Variants in LTBP1 observed in about 807,000 individuals in gnomAD.
The protein encoded by LTBP1 is latent-transforming growth factor beta-binding protein 1.
A neutral mutation model predicts 207.6 loss-of-function variants in LTBP1; 129 were observed. That is an observed-to-expected ratio of 0.62 (90% CI 0.54 to 0.72). LTBP1 has a LOEUF of 0.72. Ranked by LOEUF, LTBP1 falls within the 30% of genes least tolerant of loss-of-function variation. The pLI is 0.00. For missense variants in LTBP1, 2,281 were observed against 2,217.2 expected (o/e 1.03, Z -0.58); for synonymous variants, 963 against 833.7 (o/e 1.16, Z -2.67).
chr2:33,344,155 C>G (rs1366672175), intron 25 of LTBP1, among the ~76,000 whole-genome samples: 1 of 152,110 alleles, frequency 6.6e-6, no homozygotes, highest in Non-Finnish European at 1.5e-5. Flanking sequence ...AATTCTCAAC[C>G]AAAAATTATT....
At chr2:33,097,899 G>T (rs2079481023) in intron 3 of LTBP1, among the ~76,000 whole-genome samples, 1 of 151,968 alleles carries the variant, frequency 6.6e-6, no homozygotes, top group Admixed American at 6.6e-5. Flanking sequence ...TTTTCTTTTT[G>T]CTGTTATAAA....
intron 5 of LTBP1, among the ~76,000 whole-genome samples, chr2:33,138,434 C>T (rs1372002819): frequency 6.6e-6 from 1 of 151,170 alleles, no homozygotes; most frequent in African/African-American, 2.4e-5. Flanking sequence ...AAGCAGGTTT[C>T]TAATGATAAT....
intron 2 of LTBP1, among the ~76,000 whole-genome samples, chr2:32,983,350 T>C (rs1008986243): frequency 3.9e-5 from 6 of 152,232 alleles, no homozygotes; most frequent in African/African-American, 1.4e-4. Flanking sequence ...CTAATTTGCT[T>C]GTGATTTTAC....
intron 31 of LTBP1, among the ~76,000 whole-genome samples, chr2:33,374,497 A>C (rs2095111849): frequency 2.0e-5 from 3 of 152,244 alleles, no homozygotes; most frequent in Admixed American, 2.0e-4. Flanking sequence ...ATCAAACTAG[A>C]AAGATACAAA....
At chr2:33,168,788 A>G (rs1187964560) in intron 5 of LTBP1, among the ~76,000 whole-genome samples, 2 of 152,158 alleles carry the variant, frequency 1.3e-5, no homozygotes, top group African/African-American at 4.8e-5. Flanking sequence ...CATCTCTCCC[A>G]CAGCTACACA....
chr2:33,230,981 C>G (rs910004722), intron 9 of LTBP1, among the ~76,000 whole-genome samples: 3 of 152,132 alleles, frequency 2.0e-5, no homozygotes, highest in Non-Finnish European at 4.4e-5. Context: ...TATGTATATT[C>G]GTTTTTCATA....
At chr2:32,973,129 G>A (rs1681162143) in intron 2 of LTBP1, among the ~76,000 whole-genome samples, 1 of 151,818 alleles carries the variant, frequency 6.6e-6, no homozygotes, top group Non-Finnish European at 1.5e-5. Flanking sequence ...TTTTGTTGTT[G>A]AGACTTCTGT....
chr2:33,261,116 C>A (rs2092997383), intron 13 of LTBP1, among the ~76,000 whole-genome samples: 1 of 152,174 alleles, frequency 6.6e-6, no homozygotes, highest in Non-Finnish European at 1.5e-5. Flanking sequence ...TTAGGGACTG[C>A]TTTGGAAGGC....
At chr2:33,210,319 C>G (rs1393121510) in intron 7 of LTBP1, among the ~76,000 whole-genome samples, 1 of 152,200 alleles carries the variant, frequency 6.6e-6, no homozygotes, top group Non-Finnish European at 1.5e-5. Context: ...TTTTTGTCCT[C>G]TTGTTATTCC....
intron 2 of LTBP1, among the ~76,000 whole-genome samples, chr2:33,014,540 G>A (rs1688096477): frequency 6.6e-6 from 1 of 152,162 alleles, no homozygotes; most frequent in Admixed American, 6.5e-5. Flanking sequence ...TTCTCCCCAG[G>A]ACACATGCGG....
rs142520374 is a variant in LTBP1 at position 33,274,970 on chromosome 2, G to C, written c.2749G>C (p.Asp917His). The change falls in exon 17 of 34, where the codon GAT becomes CAT. Residue 917 changes from aspartate (D) to histidine (H), a missense_variant. This residue lies in a region of LTBP1 where 1,671 missense variants were observed against 1,634.8 expected (regional missense o/e 1.02). Coordinates refer to ENST00000404816, the MANE Select transcript of LTBP1 (RefSeq NM_206943.4). ...SEQQRKCVDI[D>H]ECTQVQHLCS... ...ATATGTATTTTTGTTAACAGATATT[G>C]ATGAGTGTACTCAGGTCCAACACCT... The C allele has an allele frequency of 6.2e-7, 1 of 1,613,734 alleles. No homozygotes were observed. Among genetic ancestry groups the C allele is most frequent in the African/African-American group, 1.3e-5 (1 of 74,906 alleles).
At chr2:33,358,031 T>C (rs527648082) in intron 26 of LTBP1, among the ~76,000 whole-genome samples, 29 of 152,326 alleles carry the variant, frequency 1.9e-4, no homozygotes, top group African/African-American at 6.5e-4. Context: ...TCTAGGAAGT[T>C]AATTACTTAA....
At chr2:33,234,437 CAGAG>C (rs2091941908) in intron 9 of LTBP1, among the ~76,000 whole-genome samples, 1 of 152,098 alleles carries the variant, frequency 6.6e-6, no homozygotes, top group Non-Finnish European at 1.5e-5. Flanking sequence ...AATAGACAGA[CAGAG>C]AGCCAAATCA....
intron 24 of LTBP1, among the ~76,000 whole-genome samples, chr2:33,332,714 G>T (rs2094510864): frequency 6.6e-6 from 1 of 151,980 alleles, no homozygotes; most frequent in Admixed American, 6.6e-5. Flanking sequence ...CCACCACCAT[G>T]CCCAGCTAAC....
chr2:33,048,443 G>A (rs1385058534), intron 3 of LTBP1, among the ~76,000 whole-genome samples: 1 of 152,200 alleles, frequency 6.6e-6, no homozygotes, highest in Non-Finnish European at 1.5e-5. Flanking sequence ...AAAGTTAAAT[G>A]TTGACCAGGC....
chr2:33,033,280 C>A (rs1264125711), intron 3 of LTBP1, among the ~76,000 whole-genome samples: 3 of 151,734 alleles, frequency 2.0e-5, no homozygotes, highest in Non-Finnish European at 4.4e-5. Context: ...TAATACTGTC[C>A]CCTCTGTTGA....
chr2:33,194,265 G>A (rs1045657020), intron 7 of LTBP1, among the ~76,000 whole-genome samples: 2 of 152,022 alleles, frequency 1.3e-5, no homozygotes, highest in Non-Finnish European at 2.9e-5. Context: ...GGTTACAGAC[G>A]TGAGCCACCG....
intron 9 of LTBP1, among the ~76,000 whole-genome samples, chr2:33,239,951 C>T (rs2092241852): frequency 6.7e-6 from 1 of 149,802 alleles, no homozygotes; most frequent in Non-Finnish European, 1.5e-5. Flanking sequence ...TATGAGACTC[C>T]TGAAACACTA....
At position 33,196,019 on chromosome 2, in the gene LTBP1, A is replaced by G. The variant is rs145336855; in HGVS notation, c.1701+7168A>G. The stretch of plus-strand genomic sequence containing the variant: ...CAATAAAGTGTTTTAAAATTAAGGT[A>G]TGTACTTTAAAGCATAGCGCTACTG... On this transcript the variant is annotated intron_variant, in intron 7 of 33. Coordinates refer to ENST00000404816, the MANE Select transcript of LTBP1 (RefSeq NM_206943.4). Among the ~76,000 whole-genome samples, 220 of 152,354 alleles carry G rather than the reference A, an allele frequency of 1.4e-3. 3 individuals carry two copies. Among genetic ancestry groups the G allele is most frequent in the African/African-American group, 5.1e-3 (212 of 41,584 alleles).
Sources: gnomAD v4.1 joint callset for allele counts (sites outside exome capture counted in the v4.1 genomes callset) on GRCh38, gnomAD v4.1.1 for gene constraint, gnomAD v4.1.1 regional missense constraint, MANE v1.5 for transcripts, NCBI Gene and HGNC (gene_info 2026-07-23, HGNC 2026-07-21) for gene names.